Variants in GALNT13 observed in about 807,000 individuals in gnomAD.
GALNT13 encodes polypeptide N-acetylgalactosaminyltransferase 13.
GALNT13 carries 28 observed loss-of-function variants against 64.2 expected under a neutral mutation model. The observed-to-expected ratio is 0.44, with a 90% CI of 0.32 to 0.60. The LOEUF (loss-of-function observed/expected upper bound fraction) is 0.60. Ranked by LOEUF, GALNT13 falls within the 20% of genes least tolerant of loss-of-function variation. The pLI, the probability that GALNT13 is intolerant of heterozygous loss-of-function variation, is 0.05. For missense variants in GALNT13, 577 were observed against 669.8 expected (o/e 0.86, Z 1.53); for synonymous variants, 214 against 224.6 (o/e 0.95, Z 0.42).
the GALNT13 span, among the ~76,000 whole-genome samples, chr2:153,189,409 A>G: frequency 6.6e-6 from 1 of 152,098 alleles, no homozygotes; most frequent in Non-Finnish European, 1.5e-5. Context: ...ATTTTTTTGC[A>G]GTATATTCAT....
At chr2:154,052,753 T>G (rs1699695492) in intron 3 of GALNT13, among the ~76,000 whole-genome samples, 1 of 150,958 alleles carries the variant, frequency 6.6e-6, no homozygotes, top group African/African-American at 2.4e-5. Flanking sequence ...TTTTTTTTTT[T>G]TGAGACGGAG....
intron 11 of GALNT13, among the ~76,000 whole-genome samples, chr2:154,414,283 A>G (rs1207233858): frequency 2.6e-5 from 4 of 152,144 alleles, no homozygotes; most frequent in East Asian, 3.9e-4. Flanking sequence ...AATACAAATT[A>G]CCCTCTTTGA....
chr2:153,145,347 T>G, the GALNT13 span, among the ~76,000 whole-genome samples: 1 of 151,968 alleles, frequency 6.6e-6, no homozygotes, highest in Non-Finnish European at 1.5e-5. Flanking sequence ...AAAAGAAGTT[T>G]AAAAATTGTA....
chr2:153,987,276 A>G (rs1694862735), intron 3 of GALNT13, among the ~76,000 whole-genome samples: 1 of 151,888 alleles, frequency 6.6e-6, no homozygotes, highest in South Asian at 2.1e-4. Context: ...GTAAAAAGAG[A>G]TAGGGTTCTT....
the GALNT13 span, among the ~76,000 whole-genome samples, chr2:153,658,490 G>A: frequency 6.6e-6 from 1 of 151,942 alleles, no homozygotes; most frequent in African/African-American, 2.4e-5. Context: ...ACTATAGCAG[G>A]GTCTTGGCCT....
the GALNT13 span, among the ~76,000 whole-genome samples, chr2:153,093,797 A>G: frequency 6.6e-6 from 1 of 152,164 alleles, no homozygotes; most frequent in African/African-American, 2.4e-5. Context: ...GTAGTGAAGC[A>G]TCAGGTCCTG....
intron 4 of GALNT13, among the ~76,000 whole-genome samples, chr2:154,240,191 C>A (rs548145625): frequency 6.6e-6 from 1 of 152,160 alleles, no homozygotes; most frequent in East Asian, 1.9e-4. Context: ...TTGATGGGAG[C>A]AACAAACATC....
At chr2:153,829,577 G>A in the GALNT13 span, among the ~76,000 whole-genome samples, 324 of 152,188 alleles carry the variant, frequency 2.1e-3, no homozygotes, top group African/African-American at 7.4e-3. Flanking sequence ...CATGAGAATT[G>A]TGGGAGTTAC....
At chr2:153,899,932 TA>T (rs1382270144) in intron 1 of GALNT13, among the ~76,000 whole-genome samples, 14,284 of 87,374 alleles carry the variant, frequency 0.16, 961 homozygotes, top group Non-Finnish European at 0.18. Context: ...TATATATATA[TA>T]TATTTTTTTT....
chr2:153,096,573 T>C, the GALNT13 span, among the ~76,000 whole-genome samples: 1 of 152,170 alleles, frequency 6.6e-6, no homozygotes, highest in Non-Finnish European at 1.5e-5. Flanking sequence ...TTTAAAATTG[T>C]TATATCCACT....
At chr2:154,109,780 G>A (rs1702830847) in intron 3 of GALNT13, among the ~76,000 whole-genome samples, 1 of 152,018 alleles carries the variant, frequency 6.6e-6, no homozygotes, top group African/African-American at 2.4e-5. Flanking sequence ...ATTGATGTGT[G>A]TGGGCTGAAC....
chr2:154,130,973 A>G (rs11898851), intron 3 of GALNT13, among the ~76,000 whole-genome samples: 7,638 of 152,130 alleles, frequency 0.05, 378 homozygotes, highest in African/African-American at 0.13. Context: ...ATTCATGGTT[A>G]TTTCAAAAAA....
intron 11 of GALNT13, among the ~76,000 whole-genome samples, chr2:154,435,426 C>A (rs1700915450): frequency 6.6e-6 from 1 of 152,120 alleles, no homozygotes; most frequent in African/African-American, 2.4e-5. Context: ...CTGAGAGTGT[C>A]TGTGGAGTAG....
At chr2:153,630,347 A>C in the GALNT13 span, among the ~76,000 whole-genome samples, 1 of 151,954 alleles carries the variant, frequency 6.6e-6, no homozygotes, top group Non-Finnish European at 1.5e-5. Flanking sequence ...TGTCGTTTGT[A>C]GGGACATGGA....
At chr2:153,497,522 A>ATTTTCTTTTTT in the GALNT13 span, among the ~76,000 whole-genome samples, 1 of 36,896 alleles carries the variant, frequency 2.7e-5, no homozygotes, top group African/African-American at 1.1e-4. Context: ...TTTCTCCCGC[A>ATTTTCTTTTTT]TTTTTTTTTT....
chr2:153,530,912 C>A, the GALNT13 span, among the ~76,000 whole-genome samples: 1 of 152,166 alleles, frequency 6.6e-6, no homozygotes, highest in Non-Finnish European at 1.5e-5. Context: ...AGACTTAAAT[C>A]TAAGACCTAA....
the GALNT13 span, among the ~76,000 whole-genome samples, chr2:153,339,803 T>A: frequency 2.0e-5 from 3 of 152,224 alleles, no homozygotes; most frequent in Non-Finnish European, 4.4e-5. Context: ...AGGGTCTAAT[T>A]TTATTTTTTG....
At chr2:153,856,457 C>T in the GALNT13 span, among the ~76,000 whole-genome samples, 8 of 152,078 alleles carry the variant, frequency 5.3e-5, no homozygotes, top group Admixed American at 2.0e-4. Flanking sequence ...AACATTAAAA[C>T]GTGGATCTAA....
chr2:154,322,487 A>G, intron 9 of GALNT13, among the ~76,000 whole-genome samples: 1 of 149,782 alleles, frequency 6.7e-6, no homozygotes, highest in East Asian at 2.0e-4. Context: ...CTAAAAGGAC[A>G]ATTGAATAAG....
Sources: allele counts gnomAD v4.1 joint callset (sites outside exome capture counted in the v4.1 genomes callset), GRCh38; gene constraint gnomAD v4.1.1; transcripts MANE v1.5; gene names NCBI Gene and HGNC (gene_info 2026-07-23, HGNC 2026-07-21).